The following TTC3 variants were observed in gnomAD, a reference collection of about 807,000 sequenced individuals.
TTC3 encodes the protein tetratricopeptide repeat domain 3.
A neutral mutation model predicts 249.6 loss-of-function variants in TTC3; 180 were observed. The ratio of observed to expected loss-of-function variants is 0.72; its 90% CI spans 0.64 to 0.82. TTC3 has a LOEUF of 0.82. TTC3 is among the 40% of genes least tolerant of loss of function. TTC3 has a pLI of 0.00. For synonymous variants in TTC3, 717 were observed against 805.0 expected, an observed-to-expected ratio of 0.89 and a Z score of 1.85; for missense variants, 2,061 against 2,398.4, an observed-to-expected ratio of 0.86 and a Z score of 2.94.
chr21:37,176,725 A>C lies in TTC3; in HGVS notation c.4617+3981A>C, dbSNP rs186115949. On this transcript the variant is annotated intron_variant, in intron 35 of 45. Coordinates refer to ENST00000355666, the Ensembl canonical transcript of TTC3. The stretch of plus-strand genomic sequence containing the variant: ...ATACAATAGTGTTATACTGTAGTAC[A>C]TAAATAAATCTCCATGTTACTGGTG... 1.4e-4 allele frequency among the ~76,000 whole-genome samples: 21 copies of C among 152,376 alleles called. No individual in the cohort carries two copies. The East Asian group carries it at 2.9e-3, about 21-fold the overall frequency.
intron 1 of TTC3, among the ~76,000 whole-genome samples, chr21:37,078,341 A>G (rs2071179786): frequency 6.6e-6 from 1 of 152,208 alleles, no homozygotes; most frequent in African/African-American, 2.4e-5. Context: ...ACATGACATG[A>G]AAAACCCTGT....
In TTC3 at chr21:37,182,733, A is replaced by G. The variant is rs149396883; in HGVS notation, c.4618-41A>G. ...CTTTCAGTCTCTTTTGTTAAAAAGT[A>G]TATTTTGCCATTTATTTAAGTACTT... On this transcript the variant is annotated intron_variant, in intron 35 of 45. Coordinates refer to ENST00000355666, the Ensembl canonical transcript of TTC3. 2,434 of 1,520,158 alleles carry G rather than the reference A, an allele frequency of 1.6e-3. 10 individuals carry two copies. Among genetic ancestry groups the G allele is most frequent in the Admixed American group, 1.2e-3 (56 of 45,268 alleles). The allele number at this position is 1,520,158 out of a possible 1,614,324, so 94.2% of individuals were successfully genotyped here.
At chr21:37,082,923 C>T in intron 1 of TTC3, 3 of 980,950 alleles carry the variant, frequency 3.1e-6, no homozygotes, top group South Asian at 4.7e-5. Context: ...AACTAGTTTA[C>T]ATCTAAGTTA....
At chr21:37,157,615 G>A (rs901019649) in intron 28 of TTC3, among the ~76,000 whole-genome samples, 2 of 152,170 alleles carry the variant, frequency 1.3e-5, no homozygotes, top group African/African-American at 4.8e-5. Flanking sequence ...TGGTGCAGGG[G>A]TAGAGTCTCA....
chr21:37,150,841 GA>G lies in TTC3; in HGVS notation c.2237del (p.Lys746ArgfsTer8). On this transcript the variant is annotated frameshift_variant, in exon 25 of 46. Transcript: ENST00000355666. LOFTEE classifies it high-confidence loss of function. The stretch of plus-strand genomic sequence containing the variant: ...AAAGTTTGAACACAAGGTCATAAAA[GA>G]AAAGGTTCCTCCAAGACCTATTCTG... The G allele has an allele frequency of 6.2e-7, 1 of 1,611,214 alleles. No homozygotes were observed. The highest frequency in any genetic ancestry group is 1.1e-5 in the South Asian group (1 of 90,498).
intron 34 of TTC3, among the ~76,000 whole-genome samples, chr21:37,169,823 G>A (rs541135413): frequency 3.5e-4 from 53 of 151,766 alleles, no homozygotes; most frequent in East Asian, 2.9e-3. Flanking sequence ...ACTCTAGCCC[G>A]GGCGACAGTG....
At chr21:37,130,010 C>A (rs757471510) in intron 16 of TTC3, among the ~76,000 whole-genome samples, 1 of 152,248 alleles carries the variant, frequency 6.6e-6, no homozygotes, top group Admixed American at 6.5e-5. Flanking sequence ...AATTGTAAAT[C>A]TTTTAATACA....
chr21:37,201,587 A>T, exon 46 of TTC3: 1 of 1,609,730 alleles, frequency 6.2e-7, no homozygotes, highest in Non-Finnish European at 8.5e-7. Context: ...ACACTTCACT[A>T]AAGTGTCATC....
At chr21:37,162,187 A>T (rs980006961) in intron 31 of TTC3, 124 bp downstream of exon 31, 1 of 563,398 alleles carries the variant, frequency 1.8e-6, no homozygotes, top group Admixed American at 3.3e-5. Context: ...AAAGCTGTGC[A>T]TCTGACAACC....
chr21:37,098,451 CA>C (rs1402833802), intron 10 of TTC3: 2 of 152,602 alleles, frequency 1.3e-5, no homozygotes, highest in Admixed American at 6.5e-5. Flanking sequence ...AGTAGAAGTA[CA>C]GAAGCTAGGT....
intron 17 of TTC3, among the ~76,000 whole-genome samples, chr21:37,134,227 G>A (rs970745515): frequency 7.2e-5 from 11 of 152,050 alleles, no homozygotes; most frequent in African/African-American, 2.2e-4. Flanking sequence ...CGAGGCAGGC[G>A]GATCACAAGG....
intron 1 of TTC3, among the ~76,000 whole-genome samples, chr21:37,076,115 A>G: frequency 6.6e-6 from 1 of 152,196 alleles, no homozygotes; most frequent in Non-Finnish European, 1.5e-5. Flanking sequence ...TTTAAAAATA[A>G]TTTTATCAGA....
At chr21:37,129,631 C>CT (rs201840953) in intron 16 of TTC3, among the ~76,000 whole-genome samples, 2,958 of 151,638 alleles carry the variant, frequency 0.02, 63 homozygotes, top group South Asian at 0.062. Flanking sequence ...TGCCTCCTAT[C>CT]TTTTTTTTTG....
chr21:37,082,493 G>A, intron 1 of TTC3: 1 of 985,222 alleles, frequency 1.0e-6, no homozygotes, highest in Non-Finnish European at 1.2e-6. Context: ...GCTTTGTCTG[G>A]GAGCCAGAAA....
exon 22 of TTC3, chr21:37,147,577 A>G (rs1401291317): frequency 3.7e-6 from 6 of 1,611,390 alleles, no homozygotes; most frequent in Non-Finnish European, 5.1e-6. Flanking sequence ...TAAGATCCAG[A>G]TATACATAAC....
At chr21:37,164,001 C>T (rs374335674) in intron 31 of TTC3, 50 bp from the exon 32 acceptor site, 43 of 1,551,120 alleles carry the variant, frequency 2.8e-5, no homozygotes, top group Non-Finnish European at 3.7e-5. Flanking sequence ...AATAATAAAC[C>T]AAAGGTCTAT....
In TTC3 at chr21:37,108,337, T is replaced by C. The variant is rs1056458095; in HGVS notation, c.846-55T>C. ...TCACAAAGTACACATATGCAAGATA[T>C]AATACTTTTACTATAAAAGAGTGAA... On this transcript the variant is annotated intron_variant, in intron 10 of 45. Coordinates refer to ENST00000355666, the Ensembl canonical transcript of TTC3. 7.6e-6 allele frequency: 11 copies of C among 1,455,954 alleles called. No homozygotes were observed. In the African/African-American group the frequency reaches 1.4e-4, roughly 19 times the overall value. The allele number at this position is 1,455,954 out of a possible 1,614,324, so 90.2% of individuals were successfully genotyped here.
At chr21:37,150,117 G>A (rs760611097) in exon 24 of TTC3, 3 of 1,612,866 alleles carry the variant, frequency 1.9e-6, no homozygotes, top group Non-Finnish European at 1.7e-6. Flanking sequence ...TGACTGTGAA[G>A]GTGTCATTTC....
intron 6 of TTC3, 60 bp from the exon 7 acceptor site, chr21:37,091,233 C>T (rs918006026): frequency 2.0e-6 from 3 of 1,537,598 alleles, no homozygotes; most frequent in Admixed American, 3.7e-5. Flanking sequence ...ATTTATAATG[C>T]CACATGCAAA....
Sources: allele counts gnomAD v4.1 joint callset (sites outside exome capture counted in the v4.1 genomes callset), GRCh38; gene constraint gnomAD v4.1.1; transcripts MANE v1.5; gene names NCBI Gene and HGNC (gene_info 2026-07-23, HGNC 2026-07-21).